HS3ST5: variants seen among roughly 807,000 people sequenced by gnomAD.
HS3ST5 encodes heparan sulfate glucosamine 3-O-sulfotransferase 5.
Under a neutral mutation model 25.4 loss-of-function variants are expected in HS3ST5, and 10 were observed. The ratio of observed to expected loss-of-function variants is 0.39; its 90% CI spans 0.24 to 0.67. The LOEUF (loss-of-function observed/expected upper bound fraction) is 0.67, where lower values mean the gene tolerates loss of function less well. Ranked by LOEUF, HS3ST5 falls within the 30% of genes least tolerant of loss-of-function variation. HS3ST5 has a pLI of 0.44. For synonymous variants in HS3ST5, 170 were observed against 162.4 expected, an observed-to-expected ratio of 1.05 and a Z score of -0.36; for missense variants, 324 against 420.7, an observed-to-expected ratio of 0.77 and a Z score of 2.01.
chr6:114,282,466 T>C (rs1281153144), intron 1 of HS3ST5, among the ~76,000 whole-genome samples: 2 of 151,968 alleles, frequency 1.3e-5, no homozygotes, highest in East Asian at 3.9e-4. Flanking sequence ...ATCCCCGTTC[T>C]CTTAGGCTAT....
intron 1 of HS3ST5, among the ~76,000 whole-genome samples, chr6:114,257,746 T>C (rs1399021141): frequency 6.6e-6 from 1 of 152,172 alleles, no homozygotes; most frequent in African/African-American, 2.4e-5. Context: ...TGTTGTTCTT[T>C]TTTTTTAATA....
chr6:114,148,389 C>T (rs143362789), intron 3 of HS3ST5, among the ~76,000 whole-genome samples: 11 of 152,228 alleles, frequency 7.2e-5, no homozygotes, highest in African/African-American at 2.6e-4. Flanking sequence ...GAAGCCAAGG[C>T]GGGTGGATCA....
chr6:114,294,946 A>T (rs1220082722), intron 1 of HS3ST5, among the ~76,000 whole-genome samples: 1 of 152,222 alleles, frequency 6.6e-6, no homozygotes, highest in Non-Finnish European at 1.5e-5. Context: ...TGAGGATTAC[A>T]GTTCTCTTAT....
At chr6:114,115,516 T>C (rs187666796) in intron 3 of HS3ST5, among the ~76,000 whole-genome samples, 201 of 152,154 alleles carry the variant, frequency 1.3e-3, no homozygotes, top group Non-Finnish European at 2.4e-3. Flanking sequence ...GTTAACCTCT[T>C]ATGGAAGGGG....
At chr6:114,201,670 C>G (rs1343048144) in intron 2 of HS3ST5, among the ~76,000 whole-genome samples, 2 of 152,118 alleles carry the variant, frequency 1.3e-5, no homozygotes, top group South Asian at 4.1e-4. Context: ...GGTCCGTTCT[C>G]AGGCTGCTAA....
intron 3 of HS3ST5, among the ~76,000 whole-genome samples, chr6:114,069,320 A>G (rs7753472): frequency 1.7e-4 from 26 of 152,170 alleles, no homozygotes; most frequent in African/African-American, 6.0e-4. Flanking sequence ...TGTTCATATG[A>G]TACAACAAAC....
At position 114,057,341 on chromosome 6, in the gene HS3ST5, A is replaced by G. The variant is rs1486041079; in HGVS notation, c.957T>C (p.Ser319=). 2 of 1,614,174 alleles carry G rather than the reference A, an allele frequency of 1.2e-6. No individual in the cohort carries two copies. The highest frequency in any genetic ancestry group is 1.7e-6 in the Non-Finnish European group (2 of 1,180,016). ...KGRIHPEVDP[S]VITKLRKFFH... ...AGAATTTGCGCAATTTAGTAATGAC[A>G]GAGGGGTCCACCTCTGGATGAATGC... Residue 319 remains serine, a synonymous_variant, in exon 5 of 5, where the codon TCT becomes TCC. Transcript: ENST00000312719.
intron 2 of HS3ST5, among the ~76,000 whole-genome samples, chr6:114,225,192 T>C (rs1036770448): frequency 5.3e-5 from 8 of 151,830 alleles, no homozygotes; most frequent in African/African-American, 1.9e-4. Flanking sequence ...TCCTTGAAAC[T>C]TCCAATAGCA....
intron 3 of HS3ST5, among the ~76,000 whole-genome samples, chr6:114,065,102 G>A (rs1773374034): frequency 6.6e-6 from 1 of 152,126 alleles, no homozygotes; most frequent in South Asian, 2.1e-4. Flanking sequence ...GAAAGAGAGT[G>A]AGGTTTCTTG....
intron 2 of HS3ST5, among the ~76,000 whole-genome samples, chr6:114,206,325 G>C (rs148436599): frequency 1.6e-3 from 243 of 152,258 alleles, no homozygotes; most frequent in African/African-American, 5.6e-3. Context: ...AAAACAGATA[G>C]ATACTCACAT....
intron 1 of HS3ST5, among the ~76,000 whole-genome samples, chr6:114,315,753 A>C (rs1268661880): frequency 1.3e-5 from 2 of 152,212 alleles, no homozygotes. Context: ...ATATATGTTC[A>C]CAGTCTAGAT....
chr6:114,278,109 C>A (rs1773946126), intron 1 of HS3ST5, among the ~76,000 whole-genome samples: 1 of 151,882 alleles, frequency 6.6e-6, no homozygotes, highest in Admixed American at 6.6e-5. Flanking sequence ...TCCTGACATT[C>A]GGGTTAAGTC....
chr6:114,279,542 T>G (rs1774011495), intron 1 of HS3ST5, among the ~76,000 whole-genome samples: 1 of 152,028 alleles, frequency 6.6e-6, no homozygotes, highest in Non-Finnish European at 1.5e-5. Context: ...ATCTAAATGA[T>G]AAAAATGCCA....
chr6:114,271,433 C>T (rs935950278), intron 1 of HS3ST5, among the ~76,000 whole-genome samples: 15 of 151,830 alleles, frequency 9.9e-5, no homozygotes, highest in Admixed American at 2.0e-4. Context: ...TCAAACAGCT[C>T]TTAAGAAATA....
intron 3 of HS3ST5, among the ~76,000 whole-genome samples, chr6:114,078,195 A>AGTTTTC (rs1184844499): frequency 6.6e-6 from 1 of 151,996 alleles, no homozygotes; most frequent in Admixed American, 6.6e-5. Flanking sequence ...ATAAACATAC[A>AGTTTTC]GTTTTCTTTT....
chr6:114,320,893 GCTCT>G lies in HS3ST5; in HGVS notation c.-339+21298_-339+21301del, dbSNP rs10544089. On this transcript the variant is annotated intron_variant, in intron 1 of 4. Transcript: ENST00000312719. ...CCTATAATGGCAGTACATAGGAAGTGCTCTCTCTCTCTCTCTCTCTCTATATATA... is the reference window on the plus strand; with the variant it reads ...CCTATAATGGCAGTACATAGGAAGTGCTCTCTCTCTCTCTCTCTATATATA... Among the ~76,000 whole-genome samples the G allele has an allele frequency of 6.4e-3, 906 of 140,474 alleles. 5 individuals are homozygous for G. The highest frequency in any genetic ancestry group is 0.02 in the African/African-American group (767 of 37,894). 92.2% of individuals were successfully genotyped at this position (140,474 alleles called of 152,430 possible). A position where few individuals can be genotyped will look rare whatever the true frequency, so the allele number is the denominator to read the frequency against.
intron 1 of HS3ST5, among the ~76,000 whole-genome samples, chr6:114,292,185 C>A (rs1388543244): frequency 6.6e-6 from 1 of 151,984 alleles, no homozygotes; most frequent in Non-Finnish European, 1.5e-5. Flanking sequence ...TATTTTTGTC[C>A]ATTTTGTGGT....
At chr6:114,276,296 G>A (rs1412680323) in intron 1 of HS3ST5, among the ~76,000 whole-genome samples, 9 of 151,844 alleles carry the variant, frequency 5.9e-5, no homozygotes, top group South Asian at 2.1e-4. Context: ...AGAGTACTAC[G>A]CTGTAAAAGA....
At chr6:114,191,426 A>G (rs184274447) in intron 2 of HS3ST5, among the ~76,000 whole-genome samples, 1 of 152,328 alleles carries the variant, frequency 6.6e-6, no homozygotes, top group East Asian at 1.9e-4. Context: ...GAAATAGTTG[A>G]ACAGGTAACT....
Sources: allele counts gnomAD v4.1 joint callset (sites outside exome capture counted in the v4.1 genomes callset), GRCh38; gene constraint gnomAD v4.1.1; transcripts MANE v1.5; gene names NCBI Gene and HGNC (gene_info 2026-07-23, HGNC 2026-07-21).